WDR43: variants seen among roughly 807,000 people sequenced by gnomAD.
WDR43 encodes the protein WD repeat-containing protein 43.
In WDR43, 13 loss-of-function variants were observed where a neutral mutation model predicts 91.4. That is an observed-to-expected ratio of 0.14 (90% CI 0.09 to 0.23). The LOEUF (loss-of-function observed/expected upper bound fraction) is 0.23, where lower values mean the gene tolerates loss of function less well. WDR43 is among the 10% of genes least tolerant of loss of function. The pLI, the probability that WDR43 is intolerant of heterozygous loss-of-function variation, is 1.00. For missense variants in WDR43, 780 were observed against 809.4 expected (o/e 0.96, Z 0.44); for synonymous variants, 331 against 287.9 (o/e 1.15, Z -1.51).
chr2:28,909,711 A>C (rs544253603), intron 3 of WDR43, among the ~76,000 whole-genome samples: 1 of 152,216 alleles, frequency 6.6e-6, no homozygotes, highest in African/African-American at 2.4e-5. Flanking sequence ...CCCTCTCTAC[A>C]AAAATGAAAA....
chr2:28,936,758 T>C (rs1004070285), intron 12 of WDR43, among the ~76,000 whole-genome samples, 164 bp from the exon 13 acceptor site: 9 of 152,228 alleles, frequency 5.9e-5, no homozygotes, highest in Non-Finnish European at 8.8e-5. Context: ...TTTTATCAGC[T>C]AATTACTCTG....
At chr2:28,934,222 AAT>A (rs1671298196) in intron 11 of WDR43, among the ~76,000 whole-genome samples, 1 of 152,216 alleles carries the variant, frequency 6.6e-6, no homozygotes, top group Non-Finnish European at 1.5e-5. Context: ...TTTATATAAA[AAT>A]TCTGGAAAAG....
intron 11 of WDR43, among the ~76,000 whole-genome samples, chr2:28,933,557 T>C (rs1040872665): frequency 1.3e-5 from 2 of 152,230 alleles, no homozygotes; most frequent in Non-Finnish European, 2.9e-5. Context: ...TAGAAACTTC[T>C]GTTCTTGGAA....
chr2:28,898,613 T>G (rs1572577365), intron 1 of WDR43, among the ~76,000 whole-genome samples: 1 of 152,278 alleles, frequency 6.6e-6, no homozygotes, highest in South Asian at 2.1e-4. Flanking sequence ...GGCATACTTT[T>G]TGGTGTCTAG....
At chr2:28,937,901 A>G in intron 13 of WDR43, 30 bp from the exon 14 acceptor site, 1 of 1,609,110 alleles carries the variant, frequency 6.2e-7, no homozygotes, top group Non-Finnish European at 8.5e-7. Flanking sequence ...GAATTTGTGA[A>G]CATTAGTTTA....
chr2:28,943,413 AG>A (rs1470654923), intron 16 of WDR43, among the ~76,000 whole-genome samples: 1 of 152,222 alleles, frequency 6.6e-6, no homozygotes, highest in Non-Finnish European at 1.5e-5. Flanking sequence ...TGGGAATAGA[AG>A]CATGACCCAC....
At chr2:28,913,984 A>G (rs1021711106) in intron 4 of WDR43, 85 bp from the exon 5 acceptor site, 118 of 1,505,048 alleles carry the variant, frequency 7.8e-5, no homozygotes, top group Admixed American at 6.8e-4. Context: ...TATGTATCAC[A>G]TATGGCTTGT....
In WDR43 at chr2:28,935,726, G is replaced by T. The variant is rs1671325009; in HGVS notation, c.1524+119G>T. 3 of 401,506 alleles carry T rather than the reference G, an allele frequency of 7.5e-6. No homozygotes were observed. In the South Asian group the frequency reaches 2.4e-4, roughly 33 times the overall value. The allele number at this position is 401,506 out of a possible 1,614,324, so 24.9% of individuals were successfully genotyped here. The stretch of plus-strand genomic sequence containing the variant: ...CACATGGCATTTAGAGTGAGTAATG[G>T]ATGGAGGAAAGTACTTTAGACAAAA... On this transcript the variant is annotated intron_variant, in intron 12 of 17. Coordinates refer to ENST00000407426, the MANE Select transcript of WDR43 (RefSeq NM_015131.3).
At chr2:28,932,979 G>A (rs1300009880) in intron 11 of WDR43, among the ~76,000 whole-genome samples, 1 of 152,184 alleles carries the variant, frequency 6.6e-6, no homozygotes, top group Non-Finnish European at 1.5e-5. Context: ...GTTGAGAGAA[G>A]TTAATGAAGA....
chr2:28,917,449 C>CT (rs767032693), intron 5 of WDR43, among the ~76,000 whole-genome samples: 11 of 152,064 alleles, frequency 7.2e-5, no homozygotes, highest in African/African-American at 1.9e-4. Flanking sequence ...AAATCTTAGG[C>CT]TTTTTTTGAG....
intron 6 of WDR43, among the ~76,000 whole-genome samples, chr2:28,919,479 A>G (rs1670980339): frequency 6.6e-6 from 1 of 151,870 alleles, no homozygotes; most frequent in Non-Finnish European, 1.5e-5. Context: ...CCACGGTGAA[A>G]CCCTGTCTCT....
intron 10 of WDR43, 79 bp from the exon 11 acceptor site, chr2:28,929,496 TTTTA>T: frequency 8.3e-7 from 1 of 1,209,932 alleles, no homozygotes. Flanking sequence ...ATCTATTTTA[TTTTA>T]TTTTATTTTA....
chr2:28,909,199 C>T (rs561831909), intron 3 of WDR43, among the ~76,000 whole-genome samples: 9 of 152,076 alleles, frequency 5.9e-5, no homozygotes, highest in Admixed American at 2.0e-4. Context: ...ATTGCAATGG[C>T]GCGATCTCAG....
chr2:28,916,996 G>A (rs772013958), intron 5 of WDR43, among the ~76,000 whole-genome samples: 2 of 152,138 alleles, frequency 1.3e-5, no homozygotes, highest in Non-Finnish European at 2.9e-5. Context: ...TATTTTCACT[G>A]TAAGGCACAT....
intron 4 of WDR43, 84 bp downstream of exon 4, chr2:28,912,794 T>G: frequency 6.6e-7 from 1 of 1,516,648 alleles, no homozygotes; most frequent in Non-Finnish European, 8.9e-7. Flanking sequence ...AAGATATTAT[T>G]TTAAGAATAC....
chr2:28,931,288 G>A (rs1671237934), intron 11 of WDR43, among the ~76,000 whole-genome samples: 1 of 152,046 alleles, frequency 6.6e-6, no homozygotes, highest in Non-Finnish European at 1.5e-5. Flanking sequence ...CACCATGTTG[G>A]CCAGGCTGGT....
intron 6 of WDR43, among the ~76,000 whole-genome samples, chr2:28,921,173 G>A (rs961921033): frequency 6.6e-6 from 1 of 151,050 alleles, no homozygotes; most frequent in African/African-American, 2.4e-5. Flanking sequence ...TTGTCGCCAG[G>A]CTGGAGTGCA....
rs563170172 is a variant in WDR43 at position 28,937,917 on chromosome 2, AT to A, written c.1557-5del. ...AATTTGTGAACATTAGTTTACTTGGATTTTTTTTTCCAGTGCTGTGCTAATG... is the reference window on the plus strand; with the variant it reads ...AATTTGTGAACATTAGTTTACTTGGATTTTTTTTCCAGTGCTGTGCTAATG... On this transcript the variant is annotated splice_polypyrimidine_tract_variant and intron_variant, in intron 13 of 17. Transcript: ENST00000407426. 12 of 1,603,254 alleles carry A rather than the reference AT, an allele frequency of 7.5e-6. No homozygotes were observed. Among genetic ancestry groups the A allele is most frequent in the East Asian group, 2.2e-5 (1 of 44,612 alleles).
At chr2:28,918,896 A>C (rs1670966943) in intron 6 of WDR43, among the ~76,000 whole-genome samples, 1 of 152,194 alleles carries the variant, frequency 6.6e-6, no homozygotes, top group Admixed American at 6.6e-5. Flanking sequence ...TTTAGTTTTG[A>C]AATGCATATT....
Sources: gnomAD v4.1 joint callset for allele counts (sites outside exome capture counted in the v4.1 genomes callset) on GRCh38, gnomAD v4.1.1 for gene constraint, MANE v1.5 for transcripts, NCBI Gene and HGNC (gene_info 2026-07-23, HGNC 2026-07-21) for gene names.